The following RIMS1 variants were observed in gnomAD, a reference collection of about 807,000 sequenced individuals.
RIMS1 encodes regulating synaptic membrane exocytosis protein 1.
RIMS1 carries 83 observed loss-of-function variants against 214.1 expected under a neutral mutation model. That is an observed-to-expected ratio of 0.39 (90% CI 0.32 to 0.47). RIMS1 has a LOEUF of 0.47. RIMS1 is among the 20% of genes least tolerant of loss of function. RIMS1 has a pLI of 0.99. For synonymous variants in RIMS1, 793 were observed against 786.8 expected, an observed-to-expected ratio of 1.01 and a Z score of -0.13; for missense variants, 2,050 against 2,161.8, an observed-to-expected ratio of 0.95 and a Z score of 1.03.
At chr6:72,360,929 G>C (rs2097791331) in intron 29 of RIMS1, among the ~76,000 whole-genome samples, 2 of 148,500 alleles carry the variant, frequency 1.3e-5, no homozygotes, top group African/African-American at 4.9e-5. Context: ...TGTTTAAGTG[G>C]TAGGTTTTTT....
Position 72,250,588 on chromosome 6 carries a change from T to A in RIMS1, c.2372+128T>A, listed in dbSNP as rs1041049904. 4.6e-6 allele frequency: 3 copies of A among 659,302 alleles called. No homozygotes were observed. In the African/African-American group the frequency reaches 5.6e-5, roughly 12 times the overall value. 40.8% of individuals were successfully genotyped at this position (659,302 alleles called of 1,614,324 possible). ...TGAGGAGATAAAAGTACATTATCTC[T>A]GAAAAAAGAAGTCCCTCAAGTGTTG... On this transcript the variant is annotated intron_variant, in intron 13 of 33. Transcript: ENST00000521978.
chr6:71,889,685 C>G (rs1769008678), intron 1 of RIMS1, among the ~76,000 whole-genome samples: 1 of 152,086 alleles, frequency 6.6e-6, no homozygotes. Context: ...GTCTTAAAAA[C>G]TGGGGATAAT....
chr6:72,129,553 C>A (rs763580243), intron 4 of RIMS1, among the ~76,000 whole-genome samples: 1 of 152,012 alleles, frequency 6.6e-6, no homozygotes, highest in African/African-American at 2.4e-5. Context: ...AAATTTCTAA[C>A]GTCAGATTAT....
chr6:71,897,832 T>C (rs1772303033), intron 1 of RIMS1, among the ~76,000 whole-genome samples: 1 of 152,108 alleles, frequency 6.6e-6, no homozygotes, highest in South Asian at 2.1e-4. Context: ...AATGAATGAA[T>C]GAATGAATGA....
intron 29 of RIMS1, among the ~76,000 whole-genome samples, chr6:72,361,642 G>A (rs1347982108): frequency 6.6e-6 from 1 of 152,240 alleles, no homozygotes; most frequent in Non-Finnish European, 1.5e-5. Context: ...GATTGCTTTT[G>A]CACCAAATTA....
At chr6:71,928,799 T>C (rs1274386848) in intron 1 of RIMS1, among the ~76,000 whole-genome samples, 1 of 152,092 alleles carries the variant, frequency 6.6e-6, no homozygotes, top group Non-Finnish European at 1.5e-5. Flanking sequence ...GAACCTGGGC[T>C]TAGTAGAGTC....
At chr6:72,030,536 A>G (rs545709297) in intron 2 of RIMS1, among the ~76,000 whole-genome samples, 6 of 152,174 alleles carry the variant, frequency 3.9e-5, no homozygotes, top group African/African-American at 9.6e-5. Flanking sequence ...TTAATTTGCC[A>G]TGTCATAGGC....
intron 1 of RIMS1, among the ~76,000 whole-genome samples, chr6:71,909,120 G>A (rs116713323): frequency 0.011 from 1,682 of 152,228 alleles, 31 homozygotes; most frequent in African/African-American, 0.038. Flanking sequence ...CTCTGGAGCA[G>A]ATGGGACTAC....
chr6:72,095,807 A>G (rs1191865786), intron 2 of RIMS1, among the ~76,000 whole-genome samples: 1 of 152,242 alleles, frequency 6.6e-6, no homozygotes, highest in African/African-American at 2.4e-5. Flanking sequence ...AACTGCCTGA[A>G]TTAACAAAAG....
At chr6:72,046,090 TA>T (rs556690096) in intron 2 of RIMS1, among the ~76,000 whole-genome samples, 246 of 152,254 alleles carry the variant, frequency 1.6e-3, no homozygotes, top group African/African-American at 5.6e-3. Flanking sequence ...GCTTCACAGA[TA>T]AGTGGTTTAA....
chr6:72,381,195 T>C (rs1233384793), intron 29 of RIMS1, among the ~76,000 whole-genome samples: 3 of 152,192 alleles, frequency 2.0e-5, no homozygotes, highest in African/African-American at 7.2e-5. Flanking sequence ...GGGTGGTCCC[T>C]CTTGTGCCGG....
rs184811188 is a variant in RIMS1 at position 72,123,183 on chromosome 6, G to A, written c.471+23197G>A. Reference sequence around the variant, plus strand: ...TATGATATGTTGTGTCTTTGTTCTCGTTGGTTTCAAAGAACATCTTTATTT... The same window carrying A: ...TATGATATGTTGTGTCTTTGTTCTCATTGGTTTCAAAGAACATCTTTATTT... On this transcript the variant is annotated intron_variant, in intron 4 of 33. Transcript: ENST00000521978. 1.1e-3 allele frequency among the ~76,000 whole-genome samples: 174 copies of A among 151,688 alleles called. 2 individuals carry two copies. The highest frequency in any genetic ancestry group is 3.9e-3 in the African/African-American group (160 of 41,458).
At chr6:72,317,752 A>T (rs2095882143) in intron 28 of RIMS1, among the ~76,000 whole-genome samples, 1 of 152,126 alleles carries the variant, frequency 6.6e-6, no homozygotes. Context: ...TATCCAATAC[A>T]TGAAGCTTAT....
intron 1 of RIMS1, among the ~76,000 whole-genome samples, chr6:71,903,673 A>G (rs1209018338): frequency 2.0e-5 from 3 of 151,986 alleles, no homozygotes; most frequent in African/African-American, 4.8e-5. Flanking sequence ...AACAATCACT[A>G]TGTAATCTTA....
intron 4 of RIMS1, among the ~76,000 whole-genome samples, chr6:72,129,874 G>A (rs890725066): frequency 1.3e-5 from 2 of 152,058 alleles, no homozygotes; most frequent in African/African-American, 4.8e-5. Context: ...ACATGGCCTG[G>A]TAGGTCACAG....
At chr6:72,212,394 C>T (rs1028022545) in intron 6 of RIMS1, among the ~76,000 whole-genome samples, 1 of 151,286 alleles carries the variant, frequency 6.6e-6, no homozygotes, top group African/African-American at 2.4e-5. Flanking sequence ...AGGGAAGCTA[C>T]CTTAAAAAGT....
chr6:72,279,985 A>G (rs1003300503), intron 23 of RIMS1, among the ~76,000 whole-genome samples: 2 of 151,940 alleles, frequency 1.3e-5, no homozygotes, highest in Non-Finnish European at 2.9e-5. Context: ...AGTAAACCAA[A>G]GGTCATGTTG....
chr6:71,912,233 A>G (rs759996360), intron 1 of RIMS1, among the ~76,000 whole-genome samples: 6 of 152,286 alleles, frequency 3.9e-5, no homozygotes, highest in Admixed American at 6.6e-5. Flanking sequence ...TCAAAGAGGC[A>G]AAGACAATTC....
chr6:72,302,467 C>A (rs1479598919), intron 26 of RIMS1, among the ~76,000 whole-genome samples: 1 of 151,602 alleles, frequency 6.6e-6, no homozygotes, highest in African/African-American at 2.4e-5. Context: ...ATTAGCTAAA[C>A]CTTTTTCATC....
Sources: gnomAD v4.1 joint callset for allele counts (sites outside exome capture counted in the v4.1 genomes callset) on GRCh38, gnomAD v4.1.1 for gene constraint, MANE v1.5 for transcripts, NCBI Gene and HGNC (gene_info 2026-07-23, HGNC 2026-07-21) for gene names.